PDE4D: variants seen among roughly 807,000 people sequenced by gnomAD.
The protein encoded by PDE4D is phosphodiesterase 4D.
A neutral mutation model predicts 87.4 loss-of-function variants in PDE4D; 24 were observed. The ratio of observed to expected loss-of-function variants is 0.27; its 90% confidence interval spans 0.20 to 0.39. The LOEUF is 0.39. Among genes scored for constraint, PDE4D ranks in the 10% least tolerant of loss-of-function variants. The pLI, the probability that PDE4D is intolerant of heterozygous loss-of-function variation, is 1.00. For synonymous variants in PDE4D, 384 were observed against 383.2 expected (o/e 1.00, Z -0.02); for missense variants, 714 against 1,041.0 (o/e 0.69, Z 4.32).
At chr5:59,018,497 G>C (rs1021675281) in intron 6 of PDE4D, among the ~76,000 whole-genome samples, 2 of 152,088 alleles carry the variant, frequency 1.3e-5, no homozygotes, top group African/African-American at 4.8e-5. Context: ...AAACAAATGA[G>C]AACAAAATAC....
intron 1 of PDE4D, among the ~76,000 whole-genome samples, chr5:59,507,679 A>AAAAAGAAAAGAAAAGAAAAG (rs557621145): frequency 8.4e-6 from 1 of 118,712 alleles, no homozygotes; most frequent in Non-Finnish European, 1.7e-5. Context: ...AAAAAAAAAA[A>AAAAAGAAAAGAAAAGAAAAG]AAAAGAAAAG....
chr5:60,463,359 C>T (rs1207179665), intron 1 of PDE4D, among the ~76,000 whole-genome samples: 1 of 152,056 alleles, frequency 6.6e-6, no homozygotes, highest in Non-Finnish European at 1.5e-5. Flanking sequence ...TTGCACAATA[C>T]ACACAGACAC....
At chr5:59,318,024 T>C (rs1316530330) in intron 1 of PDE4D, among the ~76,000 whole-genome samples, 1 of 152,168 alleles carries the variant, frequency 6.6e-6, no homozygotes, top group Admixed American at 6.5e-5. Flanking sequence ...TTCCTCCTTT[T>C]AAGATAGTTT....
intron 5 of PDE4D, among the ~76,000 whole-genome samples, chr5:59,053,658 G>GTTTTTT (rs1420455755): frequency 1.2e-5 from 1 of 81,060 alleles, no homozygotes; most frequent in Non-Finnish European, 2.5e-5. Flanking sequence ...TTTTTTTGTT[G>GTTTTTT]TTGTTTTTTT....
intron 6 of PDE4D, among the ~76,000 whole-genome samples, chr5:59,035,408 C>T (rs2936192): frequency 0.89 from 134,841 of 152,258 alleles, 59,882 homozygotes; most frequent in African/African-American, 0.96. Context: ...CAGAAATGTG[C>T]GCTATAGACA....
intron 1 of PDE4D, among the ~76,000 whole-genome samples, chr5:59,371,453 C>A (rs1051610956): frequency 1.3e-5 from 2 of 152,190 alleles, no homozygotes; most frequent in African/African-American, 4.8e-5. Context: ...ATTCAAGACA[C>A]TGGCATATGT....
rs867726070 is a variant in PDE4D, at chr5:59,603,031, C to A, written c.455+290137G>T. ...TTTATCTCATACCATATATAAAAAT[C>A]AACCTATAGTGGATGAAAGACATAA... On this transcript the variant is annotated intron_variant, in intron 1 of 14. Coordinates refer to ENST00000340635, the MANE Select transcript of PDE4D (RefSeq NM_001104631.2). Among the ~76,000 whole-genome samples, 2 of 151,978 alleles carry A rather than the reference C, an allele frequency of 1.3e-5. 1 individual carries two copies. The highest frequency in any genetic ancestry group is 6.8e-3 in the Middle Eastern group (2 of 294).
chr5:60,513,055 G>A (rs1271059662), intron 1 of PDE4D, among the ~76,000 whole-genome samples: 2 of 151,890 alleles, frequency 1.3e-5, no homozygotes, highest in Non-Finnish European at 2.9e-5. Context: ...TTAAAAAAGG[G>A]GAAACAAAAG....
chr5:59,022,991 T>C (rs927299688), intron 6 of PDE4D, among the ~76,000 whole-genome samples: 2 of 152,182 alleles, frequency 1.3e-5, no homozygotes, highest in African/African-American at 2.4e-5. Context: ...CTGGCCAACA[T>C]AGTGAAACCC....
rs143891560 is a variant in PDE4D, at chr5:60,403,835, T to C, written c.-90+84107A>G. Among the ~76,000 whole-genome samples the C allele has an allele frequency of 6.5e-3, 989 of 152,314 alleles. 10 individuals carry two copies. The highest frequency in any genetic ancestry group is 0.022 in the African/African-American group (933 of 41,554). On this transcript the variant is annotated intron_variant, in intron 1 of 16. Transcript: ENST00000502484. ...GTATTGTGAAACCCACATTAGAAAA[T>C]GCACGTGAAGCAGGCAGCACAATGC...
rs59306058 is a variant in PDE4D at position 59,724,941 on chromosome 5, T to C, written c.455+168227A>G. 3.5e-3 allele frequency among the ~76,000 whole-genome samples: 532 copies of C among 152,278 alleles called. 4 individuals carry two copies. The highest frequency in any genetic ancestry group is 0.012 in the African/African-American group (515 of 41,566). On this transcript the variant is annotated intron_variant, in intron 1 of 14. Coordinates refer to ENST00000340635, the MANE Select transcript of PDE4D (RefSeq NM_001104631.2). ...AACATACTTTCATTGAACCTGGCTC[T>C]GCTTTTCATTTATTTTGTCACACAG...
intron 1 of PDE4D, chr5:60,430,062 G>C (rs1744083455): frequency 1.9e-6 from 1 of 523,684 alleles, no homozygotes; most frequent in Non-Finnish European, 3.8e-6. Context: ...CTTTGGCCCA[G>C]ACAGCTTTGT....
At chr5:59,319,744 T>G (rs1333363234) in intron 1 of PDE4D, among the ~76,000 whole-genome samples, 5 of 152,180 alleles carry the variant, frequency 3.3e-5, no homozygotes, top group Non-Finnish European at 7.4e-5. Flanking sequence ...TACTTATACA[T>G]GCACAGTTAA....
chr5:60,084,934 A>G (rs1478038115), intron 2 of PDE4D, among the ~76,000 whole-genome samples: 3 of 152,206 alleles, frequency 2.0e-5, no homozygotes, highest in Admixed American at 6.5e-5. Flanking sequence ...TCCAGGATGC[A>G]ATGTCTACAC....
At chr5:59,969,844 A>G (rs1038170621) in intron 3 of PDE4D, among the ~76,000 whole-genome samples, 1 of 152,170 alleles carries the variant, frequency 6.6e-6, no homozygotes, top group African/African-American at 2.4e-5. Flanking sequence ...AGCCATGCTG[A>G]ACTGTGAGTC....
intron 1 of PDE4D, among the ~76,000 whole-genome samples, chr5:59,818,374 G>A (rs1201324095): frequency 1.3e-5 from 2 of 152,146 alleles, no homozygotes; most frequent in African/African-American, 2.4e-5. Flanking sequence ...ATGGACCCAT[G>A]CCTGAAACAC....
intron 1 of PDE4D, among the ~76,000 whole-genome samples, chr5:60,247,377 T>C (rs974799235): frequency 1.3e-5 from 2 of 152,020 alleles, no homozygotes; most frequent in Non-Finnish European, 2.9e-5. Context: ...TTATTAGCCA[T>C]GTTTCTAGAA....
At chr5:59,987,070 A>G (rs1355847505) in intron 3 of PDE4D, 1 of 152,186 alleles carries the variant, frequency 6.6e-6, no homozygotes, top group Admixed American at 6.5e-5. Flanking sequence ...ATAACACATC[A>G]GAGCCATGAA....
At chr5:59,216,721 C>T (rs907430792) in intron 1 of PDE4D, 3 of 155,746 alleles carry the variant, frequency 1.9e-5, no homozygotes, top group African/African-American at 4.8e-5. Flanking sequence ...CTATCTCCTT[C>T]TCACAGGCCA....
Sources: allele counts gnomAD v4.1 joint callset (sites outside exome capture counted in the v4.1 genomes callset), GRCh38; gene constraint gnomAD v4.1.1; transcripts MANE v1.5; gene names NCBI Gene and HGNC (gene_info 2026-07-23, HGNC 2026-07-21).